MRTFB: variants seen among roughly 807,000 people sequenced by gnomAD.
MRTFB encodes myocardin related transcription factor B, also known as myocardin-related transcription factor B.
A neutral mutation model predicts 104.2 loss-of-function variants in MRTFB; 29 were observed. The observed-to-expected ratio is 0.28, with a 90% CI of 0.21 to 0.38. The LOEUF (loss-of-function observed/expected upper bound fraction) is 0.38, where lower values mean the gene tolerates loss of function less well. MRTFB is among the 10% of genes least tolerant of loss of function. The probability of loss-of-function intolerance (pLI) is 1.00; values close to 1 mark genes in which losing one functional copy is unlikely to be tolerated. For synonymous variants in MRTFB, 535 were observed against 519.5 expected (o/e 1.03, Z -0.41); for missense variants, 1,270 against 1,341.6 (o/e 0.95, Z 0.83).
At chr16:13,996,855 T>C in the MRTFB span, among the ~76,000 whole-genome samples, 5 of 152,006 alleles carry the variant, frequency 3.3e-5, no homozygotes, top group African/African-American at 9.7e-5. Flanking sequence ...TGCTTTTGAG[T>C]TTCTATTAGC....
chr16:14,078,293 A>G (rs2034186411), intron 1 of MRTFB, among the ~76,000 whole-genome samples: 1 of 152,200 alleles, frequency 6.6e-6, no homozygotes, highest in Non-Finnish European at 1.5e-5. Flanking sequence ...CAAAGATTGG[A>G]CATTCAGATG....
chr16:14,086,400 C>T (rs548892125), intron 2 of MRTFB, among the ~76,000 whole-genome samples: 15 of 152,254 alleles, frequency 9.9e-5, no homozygotes, highest in Admixed American at 3.9e-4. Context: ...GCATGTATAA[C>T]GTCTTAAATT....
At chr16:14,095,146 A>T (rs919552236) in intron 2 of MRTFB, among the ~76,000 whole-genome samples, 18 of 152,240 alleles carry the variant, frequency 1.2e-4, no homozygotes, top group African/African-American at 4.1e-4. Context: ...ATTGTTGGGT[A>T]TACCCAGTCC....
chr16:14,199,451 G>A (rs1236210518), intron 3 of MRTFB, among the ~76,000 whole-genome samples: 1 of 152,144 alleles, frequency 6.6e-6, no homozygotes, highest in Non-Finnish European at 1.5e-5. Context: ...CGGGACCCAT[G>A]TAGCCAACTG....
the MRTFB span, among the ~76,000 whole-genome samples, chr16:14,052,976 C>A: frequency 6.6e-6 from 1 of 152,264 alleles, no homozygotes; most frequent in African/African-American, 2.4e-5. Flanking sequence ...ATTTGTTTTT[C>A]TGTTCCTCGC....
rs150206528 is a variant in MRTFB, at chr16:14,157,493, C to G, written c.154+16733C>G. Among the ~76,000 whole-genome samples, 55 of 152,272 alleles carry G rather than the reference C, an allele frequency of 3.6e-4. 1 individual carries two copies. The highest frequency in any genetic ancestry group is 1.3e-3 in the African/African-American group (53 of 41,558). On this transcript the variant is annotated intron_variant, in intron 3 of 16. Coordinates refer to ENST00000571589, the MANE Select transcript of MRTFB (RefSeq NM_001308142.2). ...TGGGCCTAGTGGTTTAAGGTTCCCA[C>G]CTTGGTTCACAGGGCCACCCCTTAC...
intron 2 of MRTFB, among the ~76,000 whole-genome samples, chr16:14,116,606 A>G (rs1405273495): frequency 6.6e-6 from 1 of 151,004 alleles, no homozygotes; most frequent in Non-Finnish European, 1.5e-5. Flanking sequence ...AATAATGCCT[A>G]CCAGATTTCT....
intron 3 of MRTFB, among the ~76,000 whole-genome samples, chr16:14,203,090 T>C (rs567512806): frequency 6.6e-6 from 1 of 152,336 alleles, no homozygotes; most frequent in South Asian, 2.1e-4. Context: ...TAGAGTATTC[T>C]TTAGTTTTCC....
chr16:14,164,952 TAAA>T (rs879278829), intron 3 of MRTFB, among the ~76,000 whole-genome samples: 1 of 143,168 alleles, frequency 7.0e-6, no homozygotes, highest in South Asian at 2.2e-4. Context: ...AAGACAAAAT[TAAA>T]AAAAAAAAAA....
intron 6 of MRTFB, among the ~76,000 whole-genome samples, chr16:14,215,720 G>A (rs1190501137): frequency 6.6e-6 from 1 of 152,164 alleles, no homozygotes; most frequent in Non-Finnish European, 1.5e-5. Context: ...GCCACAGTTG[G>A]TTGTATGGGA....
At chr16:14,040,362 A>G in the MRTFB span, among the ~76,000 whole-genome samples, 2 of 152,164 alleles carry the variant, frequency 1.3e-5, no homozygotes, top group Non-Finnish European at 2.9e-5. Context: ...CATGTATTTT[A>G]TGTTTTGATA....
chr16:14,158,492 T>G (rs563804476), intron 3 of MRTFB, among the ~76,000 whole-genome samples: 1 of 152,302 alleles, frequency 6.6e-6, no homozygotes, highest in South Asian at 2.1e-4. Context: ...AGGTATAAAG[T>G]TTTAAAGTAT....
chr16:14,222,008 G>C (rs142847856), intron 8 of MRTFB, among the ~76,000 whole-genome samples: 1 of 152,118 alleles, frequency 6.6e-6, no homozygotes, highest in East Asian at 1.9e-4. Context: ...TTGAACTTCT[G>C]ACCTCAGGTG....
rs765553377 is a variant in MRTFB, at chr16:14,247,475, G to A, written c.2215G>A (p.Val739Met). Residue 739 changes from valine (V) to methionine (M), a missense_variant, in exon 12 of 17, where the codon GTG (valine) becomes ATG (methionine). Coordinates refer to ENST00000571589, the MANE Select transcript of MRTFB (RefSeq NM_001308142.2). ...CATCCAGGGCTCGAGTGTCACCTCAGTGCAACTCCCTGTAGGCAGCCTCAA... is the reference window on the plus strand; with the variant it reads ...CATCCAGGGCTCGAGTGTCACCTCAATGCAACTCCCTGTAGGCAGCCTCAA... ...VSIQGSSVTS[V>M]QLPVGSLKLQ... 1.3e-6 allele frequency: 2 copies of A among 1,579,022 alleles called. No homozygotes were observed. The highest frequency in any genetic ancestry group is 4.6e-5 in the East Asian group (2 of 43,914).
chr16:14,116,979 A>G (rs967317985), intron 2 of MRTFB, among the ~76,000 whole-genome samples: 18 of 152,102 alleles, frequency 1.2e-4, no homozygotes, highest in African/African-American at 3.6e-4. Context: ...TGGCAAGGAA[A>G]GGGATGGATA....
the MRTFB span, among the ~76,000 whole-genome samples, chr16:14,017,711 A>ATATTT: frequency 3.0e-3 from 102 of 33,594 alleles, 14 homozygotes; most frequent in African/African-American, 4.2e-3. Flanking sequence ...ATATATATAT[A>ATATTT]TTTTTTTTTT....
chr16:14,156,170 A>G (rs2038820196), intron 3 of MRTFB, among the ~76,000 whole-genome samples: 1 of 152,172 alleles, frequency 6.6e-6, no homozygotes, highest in Non-Finnish European at 1.5e-5. Context: ...CAATTGTTTC[A>G]TGTATTTTGC....
chr16:14,210,858 T>G (rs1391217166), intron 4 of MRTFB, among the ~76,000 whole-genome samples: 2 of 152,182 alleles, frequency 1.3e-5, no homozygotes, highest in African/African-American at 4.8e-5. Context: ...TTTCAGAAAT[T>G]TTTGAGAGTT....
At chr16:14,219,043 G>GC in intron 8 of MRTFB, 45 bp downstream of exon 8, 1 of 1,495,094 alleles carries the variant, frequency 6.7e-7, no homozygotes, top group South Asian at 1.3e-5. Flanking sequence ...AAAATGCCTT[G>GC]TTTTTTTTTA....
Sources: allele counts gnomAD v4.1 joint callset (sites outside exome capture counted in the v4.1 genomes callset), GRCh38; gene constraint gnomAD v4.1.1; transcripts MANE v1.5; gene names NCBI Gene and HGNC (gene_info 2026-07-23, HGNC 2026-07-21).